NRP1: variants seen among roughly 807,000 people sequenced by gnomAD.
The protein encoded by NRP1 is neuropilin 1.
In NRP1, 35 loss-of-function variants were observed where a neutral mutation model predicts 106.7. The observed-to-expected ratio is 0.33, with a 90% CI of 0.25 to 0.43. NRP1 has a LOEUF of 0.43. Among genes scored for constraint, NRP1 ranks in the 20% least tolerant of loss-of-function variants. The probability of loss-of-function intolerance (pLI) is 1.00; values close to 1 mark genes in which losing one functional copy is unlikely to be tolerated. For synonymous variants in NRP1, 437 were observed against 417.9 expected (o/e 1.05, Z -0.56); for missense variants, 1,024 against 1,170.4 (o/e 0.87, Z 1.83).
chr10:33,331,125 C>G (rs74455897), intron 1 of NRP1, among the ~76,000 whole-genome samples: 1 of 152,116 alleles, frequency 6.6e-6, no homozygotes, highest in Non-Finnish European at 1.5e-5. Context: ...CCCCCAGCCC[C>G]GAAGTTTCTT....
chr10:33,264,861 C>T (rs1470180894), intron 3 of NRP1, among the ~76,000 whole-genome samples: 1 of 152,130 alleles, frequency 6.6e-6, no homozygotes, highest in East Asian at 1.9e-4. Flanking sequence ...GTAATGCCAG[C>T]ACTTTGGGAG....
intron 3 of NRP1, among the ~76,000 whole-genome samples, chr10:33,264,359 T>C (rs1842775142): frequency 6.6e-6 from 1 of 152,240 alleles, no homozygotes; most frequent in African/African-American, 2.4e-5. Flanking sequence ...AGATGTGACC[T>C]ATGCCTCTTT....
intron 2 of NRP1, among the ~76,000 whole-genome samples, chr10:33,292,505 A>G (rs535059636): frequency 1.3e-5 from 2 of 152,316 alleles, no homozygotes; most frequent in African/African-American, 4.8e-5. Context: ...AATTCCAAAT[A>G]TAAGTAGAGA....
At chr10:33,298,558 C>T (rs1845577957) in intron 2 of NRP1, among the ~76,000 whole-genome samples, 1 of 152,174 alleles carries the variant, frequency 6.6e-6, no homozygotes, top group African/African-American at 2.4e-5. Context: ...CTCCGCAAAT[C>T]TCCTCCTTGC....
intron 16 of NRP1, among the ~76,000 whole-genome samples, 164 bp from the exon 17 acceptor site, chr10:33,180,529 G>C (rs1007122686): frequency 6.6e-6 from 1 of 152,188 alleles, no homozygotes; most frequent in Non-Finnish European, 1.5e-5. Context: ...TGGTAGAGGG[G>C]AGTGGGCGCT....
intron 2 of NRP1, among the ~76,000 whole-genome samples, chr10:33,326,560 C>T (rs1464265370): frequency 6.6e-6 from 1 of 152,074 alleles, no homozygotes; most frequent in Non-Finnish European, 1.5e-5. Flanking sequence ...GGGAAAAAAT[C>T]CTAGTTCTGT....
intron 12 of NRP1, chr10:33,195,486 A>C (rs1362321102): frequency 9.4e-6 from 5 of 533,250 alleles, no homozygotes; most frequent in Non-Finnish European, 1.9e-5. Context: ...TAAGACTCTG[A>C]GTTGAGTCTA....
chr10:33,247,776 C>T (rs1841532927), intron 6 of NRP1, among the ~76,000 whole-genome samples: 1 of 152,216 alleles, frequency 6.6e-6, no homozygotes, highest in East Asian at 1.9e-4. Flanking sequence ...GGTTTGACTT[C>T]TCCTTCTGTG....
Position 33,226,242 on chromosome 10 carries a change from G to T in NRP1, c.1029C>A (p.Gly343=). 6.2e-7 allele frequency: 1 copy of T among 1,614,048 alleles called. No homozygotes were observed. Among genetic ancestry groups the T allele is most frequent in the Non-Finnish European group, 8.5e-7 (1 of 1,180,014 alleles). ...TCTTCTTGGTTTCTTTTGAAATGGC[G>T]CCCTGTGTCCCGACAGCCGTGACAA... ...LRFVTAVGTQ[G]AISKETKKKY... is the part of the protein sequence containing the mutation. The change falls in exon 7 of 17, where the codon GGC becomes GGA. Residue 343 remains glycine (G), a synonymous_variant. Transcript: ENST00000374867.
At chr10:33,290,843 AG>A (rs757597174) in intron 2 of NRP1, among the ~76,000 whole-genome samples, 2 of 152,140 alleles carry the variant, frequency 1.3e-5, no homozygotes, top group Non-Finnish European at 2.9e-5. Context: ...CCAAGGAGAG[AG>A]GAAGTTGGGC....
intron 6 of NRP1, among the ~76,000 whole-genome samples, chr10:33,244,565 C>T (rs181286573): frequency 6.4e-4 from 97 of 152,238 alleles, no homozygotes; most frequent in African/African-American, 2.2e-3. Context: ...TCAACTTTGC[C>T]TCCTTATTGG....
chr10:33,328,376 A>G (rs1848044082), intron 2 of NRP1, among the ~76,000 whole-genome samples: 1 of 152,140 alleles, frequency 6.6e-6, no homozygotes, highest in Non-Finnish European at 1.5e-5. Flanking sequence ...TCATCAGCCT[A>G]TGGATTTATG....
At chr10:33,258,633 T>C (rs1842363484) in intron 4 of NRP1, among the ~76,000 whole-genome samples, 1 of 152,242 alleles carries the variant, frequency 6.6e-6, no homozygotes, top group Non-Finnish European at 1.5e-5. Flanking sequence ...ATGAAACTCT[T>C]GCTGTTTTTT....
chr10:33,227,837 C>CT (rs779020623), intron 6 of NRP1, among the ~76,000 whole-genome samples: 80 of 152,204 alleles, frequency 5.3e-4, no homozygotes, highest in Non-Finnish European at 8.8e-4. Context: ...CTGCCATCAT[C>CT]TTTAGGCTTC....
At chr10:33,307,333 T>C (rs562508613) in intron 2 of NRP1, among the ~76,000 whole-genome samples, 29 of 152,342 alleles carry the variant, frequency 1.9e-4, no homozygotes, top group Admixed American at 7.2e-4. Flanking sequence ...TGCTCATTCA[T>C]TTGCCTATTG....
At position 33,178,337 on chromosome 10, in the gene NRP1, A is replaced by G. The variant is rs930522480; in HGVS notation, c.*1739T>C. On this transcript the variant is annotated 3_prime_UTR_variant, in exon 17 of 17. Transcript: ENST00000374867. ...TGGGTTAATTCATAGGCTGCCTGGT[A>G]AGATATTTGCTTCCCTGTGCTGTTA... 1.1e-4 allele frequency: 17 copies of G among 152,222 alleles called. No individual in the cohort carries two copies. Among genetic ancestry groups the G allele is most frequent in the Admixed American group, 1.0e-3 (16 of 15,284 alleles). The allele number at this position is 152,222 out of a possible 1,614,324, so 9.4% of individuals were successfully genotyped here. A position where few individuals can be genotyped will look rare whatever the true frequency, so the allele number is the denominator to read the frequency against.
At chr10:33,204,621 G>A (rs1024953566) in intron 10 of NRP1, among the ~76,000 whole-genome samples, 1 of 151,980 alleles carries the variant, frequency 6.6e-6, no homozygotes, top group South Asian at 2.1e-4. Context: ...TAAATGGCCC[G>A]AGGTAGTCCC....
intron 2 of NRP1, among the ~76,000 whole-genome samples, chr10:33,292,475 G>A (rs1433609458): frequency 1.3e-5 from 2 of 152,096 alleles, no homozygotes; most frequent in African/African-American, 4.8e-5. Context: ...GAAGTGTTCT[G>A]ATGGTCTTGG....
chr10:33,251,229 T>G (rs1460898068), intron 6 of NRP1, among the ~76,000 whole-genome samples: 1 of 152,194 alleles, frequency 6.6e-6, no homozygotes. Context: ...CCTGCCGCCA[T>G]GTAAGACGTG....
Sources: gnomAD v4.1 joint callset for allele counts (sites outside exome capture counted in the v4.1 genomes callset) on GRCh38, gnomAD v4.1.1 for gene constraint, MANE v1.5 for transcripts, NCBI Gene and HGNC (gene_info 2026-07-23, HGNC 2026-07-21) for gene names.